The following EYA4 variants were observed in gnomAD, a reference collection of about 807,000 sequenced individuals.
EYA4 encodes EYA transcriptional coactivator and phosphatase 4.
In EYA4, 31 loss-of-function variants were observed where a neutral mutation model predicts 87.9. That is an observed-to-expected ratio of 0.35 (90% CI 0.27 to 0.48). The LOEUF is 0.48. Ranked by LOEUF, EYA4 falls within the 20% of genes least tolerant of loss-of-function variation. The pLI is 0.99. For synonymous variants in EYA4, 263 were observed against 270.6 expected (o/e 0.97, Z 0.28); for missense variants, 678 against 761.4 (o/e 0.89, Z 1.29).
At chr6:133,423,249 C>A (rs1583236188) in intron 3 of EYA4, among the ~76,000 whole-genome samples, 2 of 152,068 alleles carry the variant, frequency 1.3e-5, no homozygotes, top group Non-Finnish European at 2.9e-5. Flanking sequence ...AGTATTTATG[C>A]AAAATACACA....
At chr6:133,375,279 A>T (rs1785588815) in intron 2 of EYA4, among the ~76,000 whole-genome samples, 1 of 152,014 alleles carries the variant, frequency 6.6e-6, no homozygotes, top group East Asian at 1.9e-4. Flanking sequence ...TAAAGTGTAC[A>T]TCTTATGGGA....
Position 133,274,778 on chromosome 6 carries a change from C to T in EYA4, c.-3C>T. ...GGAGTGGCAGGAGAAGTGAGAAAAC[C>T]ACATGGAAGACTCCCAGGATTTAAA... On this transcript the variant is annotated 5_prime_UTR_variant, in exon 2 of 20. Transcript: ENST00000355286. 6.2e-7 allele frequency: 1 copy of T among 1,613,424 alleles called. No homozygotes were observed. Among genetic ancestry groups the T allele is most frequent in the Non-Finnish European group, 8.5e-7 (1 of 1,179,564 alleles).
intron 16 of EYA4, among the ~76,000 whole-genome samples, 185 bp from the exon 17 acceptor site, chr6:133,515,136 T>A (rs1347217109): frequency 3.9e-5 from 6 of 152,222 alleles, no homozygotes; most frequent in Non-Finnish European, 7.3e-5. Context: ...TAAATATTCA[T>A]TGACGGAATC....
chr6:133,368,170 C>T (rs576336886), intron 2 of EYA4, among the ~76,000 whole-genome samples: 2 of 152,254 alleles, frequency 1.3e-5, no homozygotes, highest in East Asian at 3.9e-4. Context: ...GATTATATTT[C>T]TCATCAGAAA....
intron 2 of EYA4, among the ~76,000 whole-genome samples, chr6:133,362,446 C>A (rs1331726342): frequency 6.6e-6 from 1 of 151,930 alleles, no homozygotes; most frequent in Non-Finnish European, 1.5e-5. Flanking sequence ...TTACCGTCAC[C>A]CCTGTTGCCT....
At chr6:133,249,330 A>G (rs1459309838) in intron 1 of EYA4, among the ~76,000 whole-genome samples, 1 of 152,224 alleles carries the variant, frequency 6.6e-6, no homozygotes, top group Non-Finnish European at 1.5e-5. Flanking sequence ...AAATATAGTT[A>G]TAATATCTTG....
At chr6:133,266,467 A>C (rs1032605804) in intron 1 of EYA4, among the ~76,000 whole-genome samples, 1 of 152,196 alleles carries the variant, frequency 6.6e-6, no homozygotes, top group Non-Finnish European at 1.5e-5. Flanking sequence ...AATAGATTTC[A>C]GTTCTAAGCC....
At chr6:133,273,830 A>G (rs1239231720) in intron 1 of EYA4, among the ~76,000 whole-genome samples, 1 of 152,112 alleles carries the variant, frequency 6.6e-6, no homozygotes, top group Non-Finnish European at 1.5e-5. Flanking sequence ...TGTTAAGAAC[A>G]TCAGCCCATT....
intron 3 of EYA4, among the ~76,000 whole-genome samples, chr6:133,422,326 A>G (rs1264036066): frequency 6.6e-6 from 1 of 152,212 alleles, no homozygotes; most frequent in South Asian, 2.1e-4. Flanking sequence ...CAGAAACAAT[A>G]TATAATATGC....
chr6:133,348,854 C>T (rs1357165957), intron 2 of EYA4, among the ~76,000 whole-genome samples: 2 of 152,140 alleles, frequency 1.3e-5, no homozygotes, highest in African/African-American at 4.8e-5. Flanking sequence ...CTCTGCACAA[C>T]ACCCAAAGTA....
intron 3 of EYA4, among the ~76,000 whole-genome samples, chr6:133,384,160 G>A (rs1786499423): frequency 6.6e-6 from 1 of 152,118 alleles, no homozygotes; most frequent in African/African-American, 2.4e-5. Flanking sequence ...CGATCAAACT[G>A]ATTCATTGTT....
chr6:133,258,169 TG>T (rs1314280202), intron 1 of EYA4, among the ~76,000 whole-genome samples: 3 of 152,138 alleles, frequency 2.0e-5, no homozygotes, highest in Non-Finnish European at 4.4e-5. Flanking sequence ...AACAAGAACT[TG>T]GCTGAAGCCC....
intron 1 of EYA4, among the ~76,000 whole-genome samples, chr6:133,250,501 G>A (rs1238589651): frequency 6.6e-6 from 1 of 152,050 alleles, no homozygotes; most frequent in Admixed American, 6.6e-5. Flanking sequence ...AATTAGCTGG[G>A]CGTGGTGGTG....
intron 2 of EYA4, among the ~76,000 whole-genome samples, chr6:133,377,755 A>G (rs765939988): frequency 5.7e-4 from 87 of 152,084 alleles, no homozygotes; most frequent in Non-Finnish European, 1.1e-3. Flanking sequence ...GATGTATTAT[A>G]AAAGTAACTA....
At chr6:133,413,770 C>T (rs890592819) in intron 3 of EYA4, among the ~76,000 whole-genome samples, 1 of 152,158 alleles carries the variant, frequency 6.6e-6, no homozygotes, top group African/African-American at 2.4e-5. Context: ...TGTGAAGCTT[C>T]CTGCTGACTG....
intron 13 of EYA4, among the ~76,000 whole-genome samples, chr6:133,497,976 G>A (rs957321436): frequency 3.3e-5 from 5 of 152,122 alleles, no homozygotes; most frequent in Non-Finnish European, 7.4e-5. Context: ...CAGCAGTGCT[G>A]GCAAAATAAT....
intron 1 of EYA4, among the ~76,000 whole-genome samples, chr6:133,251,303 A>G (rs924583949): frequency 7.2e-5 from 11 of 152,150 alleles, no homozygotes; most frequent in African/African-American, 2.7e-4. Flanking sequence ...TATAATTTTC[A>G]ATAGTCAGTG....
At chr6:133,373,454 A>G (rs567222981) in intron 2 of EYA4, among the ~76,000 whole-genome samples, 128 of 152,190 alleles carry the variant, frequency 8.4e-4, no homozygotes, top group African/African-American at 2.5e-3. Flanking sequence ...GAATTCATAA[A>G]TATTCATTTT....
intron 2 of EYA4, among the ~76,000 whole-genome samples, chr6:133,372,243 G>T (rs545502917): frequency 1.3e-5 from 2 of 152,000 alleles, no homozygotes; most frequent in Non-Finnish European, 2.9e-5. Context: ...GTTTCACATA[G>T]AACTATTTTC....
Sources: allele counts gnomAD v4.1 joint callset (sites outside exome capture counted in the v4.1 genomes callset), GRCh38; gene constraint gnomAD v4.1.1; transcripts MANE v1.5; gene names NCBI Gene and HGNC (gene_info 2026-07-23, HGNC 2026-07-21).